ADCY10: variants seen among roughly 807,000 people sequenced by gnomAD.
The protein encoded by ADCY10 is adenylate cyclase 10, also known as adenylate cyclase type 10.
In ADCY10, 156 loss-of-function variants were observed where a neutral mutation model predicts 183.3. The observed-to-expected ratio is 0.85, with a 90% CI of 0.75 to 0.97. The LOEUF (loss-of-function observed/expected upper bound fraction) is 0.97. ADCY10 is among the 50% of genes least tolerant of loss of function. The pLI, the probability that ADCY10 is intolerant of heterozygous loss-of-function variation, is 0.00. For missense variants in ADCY10, 1,745 were observed against 1,934.3 expected, an observed-to-expected ratio of 0.90 and a Z score of 1.84; for synonymous variants, 645 against 670.0, an observed-to-expected ratio of 0.96 and a Z score of 0.58.
At chr1:167,882,088 G>A (rs1225099165) in intron 9 of ADCY10, among the ~76,000 whole-genome samples, 1 of 152,182 alleles carries the variant, frequency 6.6e-6, no homozygotes, top group East Asian at 1.9e-4. Flanking sequence ...GTAATTAAGT[G>A]CTCTGCTTTT....
At chr1:167,889,916 C>T (rs923128625) in intron 8 of ADCY10, among the ~76,000 whole-genome samples, 9 of 152,080 alleles carry the variant, frequency 5.9e-5, no homozygotes, top group South Asian at 2.1e-4. Context: ...TTATTTGGGT[C>T]TTTTCTCTTC....
In ADCY10 at chr1:167,904,715, A is replaced by T. The variant is rs1433882490; in HGVS notation, c.148+278T>A. The T allele has an allele frequency of 8.2e-6, 5 of 608,330 alleles. No individual in the cohort carries two copies. In the African/African-American group the frequency reaches 9.3e-5, roughly 11 times the overall value. The allele number at this position is 608,330 out of a possible 1,614,324, so 37.7% of individuals were successfully genotyped here. ...TGTATGGGGCTTGGGGCTGGAGAGG[A>T]TGAGTCAGTGAAGTTGGGGCAGAGA... On this transcript the variant is annotated intron_variant, in intron 2 of 32. Coordinates refer to ENST00000367851, the MANE Select transcript of ADCY10 (RefSeq NM_018417.6).
chr1:167,911,181 A>C (rs1057367099), intron 1 of ADCY10, among the ~76,000 whole-genome samples: 1 of 152,238 alleles, frequency 6.6e-6, no homozygotes, highest in African/African-American at 2.4e-5. Context: ...GGAAGTGTTG[A>C]ATAGCTATCT....
At chr1:167,855,234 C>T (rs1031175144) in intron 17 of ADCY10, among the ~76,000 whole-genome samples, 1 of 152,148 alleles carries the variant, frequency 6.6e-6, no homozygotes, top group African/African-American at 2.4e-5. Flanking sequence ...GCAGAAGAAT[C>T]GCTTGAACCC....
At chr1:167,849,219 C>A (rs1665291458) in intron 18 of ADCY10, among the ~76,000 whole-genome samples, 1 of 152,150 alleles carries the variant, frequency 6.6e-6, no homozygotes, top group African/African-American at 2.4e-5. Context: ...CACTCAGTTA[C>A]AAACACATTC....
intron 21 of ADCY10, among the ~76,000 whole-genome samples, chr1:167,844,699 A>G (rs1158786978): frequency 1.7e-4 from 26 of 152,224 alleles, no homozygotes; most frequent in Admixed American, 1.7e-3. Flanking sequence ...CATGAAATGG[A>G]GAACGAATGA....
intron 26 of ADCY10, 44 bp downstream of exon 26, chr1:167,829,223 A>C: frequency 6.2e-7 from 1 of 1,611,526 alleles, no homozygotes; most frequent in Non-Finnish European, 8.5e-7. Context: ...TTCTTCCCAA[A>C]TGAAATTCAG....
intron 6 of ADCY10, among the ~76,000 whole-genome samples, chr1:167,897,145 G>T (rs2102384910): frequency 6.6e-6 from 1 of 151,524 alleles, no homozygotes; most frequent in South Asian, 2.1e-4. Flanking sequence ...ACTGAGGATG[G>T]CACGATCTCA....
At position 167,905,001 on chromosome 1, in the gene ADCY10, TC is replaced by T. The variant is rs768209431; in HGVS notation, c.139del (p.Asp47IlefsTer8). ...ATCCCTTTTGCACTTGCCTGAAATA[TC>T]AACAAACATCAGGACTCCGTCAAAA... is the stretch of plus-strand genomic sequence containing the variant. Reference protein sequence around the residue: ...DYFDGVLMFVDISGFTAMTEK... With the variant: ...DYFDGVLMFVXISGFTAMTEK... On this transcript the variant is annotated frameshift_variant, in exon 2 of 33. Transcript: ENST00000367851. LOFTEE classifies it high-confidence loss of function. 7 of 1,614,172 alleles carry T rather than the reference TC, an allele frequency of 4.3e-6. No homozygotes were observed. Among genetic ancestry groups the T allele is most frequent in the Non-Finnish European group, 5.9e-6 (7 of 1,180,026 alleles).
At chr1:167,827,641 C>T (rs1663406270) in intron 26 of ADCY10, among the ~76,000 whole-genome samples, 1 of 151,860 alleles carries the variant, frequency 6.6e-6, no homozygotes, top group African/African-American at 2.4e-5. Context: ...CCTAGGGATC[C>T]GTGGCACCTT....
rs375598401 is a variant in ADCY10 at position 167,871,622 on chromosome 1, T to C, written c.1463-1212A>G. On this transcript the variant is annotated intron_variant, in intron 13 of 32. Coordinates refer to ENST00000367851, the MANE Select transcript of ADCY10 (RefSeq NM_018417.6). ...AACTATTCCTTCTGTGCTGGGCAGATGAATGTGGAGGCCCATTTTGTTATT... is the reference window on the plus strand; with the variant it reads ...AACTATTCCTTCTGTGCTGGGCAGACGAATGTGGAGGCCCATTTTGTTATT... Among the ~76,000 whole-genome samples the C allele has an allele frequency of 1.9e-4, 29 of 152,352 alleles. No individual in the cohort carries two copies. The South Asian group carries it at 5.8e-3, about 30-fold the overall frequency.
intron 7 of ADCY10, 25 bp downstream of exon 7, chr1:167,896,570 G>T (rs552768226): frequency 1.3e-6 from 2 of 1,562,094 alleles, no homozygotes; most frequent in Non-Finnish European, 1.8e-6. Context: ...AGAGGCAAAG[G>T]CATTTTTCCA....
intron 1 of ADCY10, among the ~76,000 whole-genome samples, chr1:167,913,219 A>G (rs374362232): frequency 1.3e-5 from 2 of 152,332 alleles, no homozygotes; most frequent in East Asian, 1.9e-4. Context: ...GGCCCGAAAG[A>G]TAAACCAAGA....
In ADCY10 at chr1:167,817,936, A is replaced by T. The variant is rs1013435643; in HGVS notation, c.4482+136T>A. ...ATGGGCAATTTATATTTTCTTTCTTACTTTGGGGAAGTGCCTTCAAAAACT... is the reference window on the plus strand; with the variant it reads ...ATGGGCAATTTATATTTTCTTTCTTTCTTTGGGGAAGTGCCTTCAAAAACT... On this transcript the variant is annotated intron_variant, in intron 31 of 32. Coordinates refer to ENST00000367851, the MANE Select transcript of ADCY10 (RefSeq NM_018417.6). The T allele has an allele frequency of 8.4e-5, 72 of 854,820 alleles. No homozygotes were observed. In the Middle Eastern group the frequency reaches 1.7e-3, roughly 20 times the overall value. 53.0% of individuals were successfully genotyped at this position (854,820 alleles called of 1,614,324 possible). A position where few individuals can be genotyped will look rare whatever the true frequency, so the allele number is the denominator to read the frequency against.
chr1:167,861,668 C>T (rs1186904906), intron 14 of ADCY10, among the ~76,000 whole-genome samples: 1 of 152,196 alleles, frequency 6.6e-6, no homozygotes. Context: ...ACCCTTTCTT[C>T]TCTGAACTTC....
intron 7 of ADCY10, among the ~76,000 whole-genome samples, chr1:167,896,081 G>C (rs1668953032): frequency 6.6e-6 from 1 of 152,178 alleles, no homozygotes; most frequent in South Asian, 2.1e-4. Flanking sequence ...GCAAATTAAT[G>C]GTCCTTGGTG....
chr1:167,885,962 C>T (rs955269898), intron 8 of ADCY10, among the ~76,000 whole-genome samples: 3 of 151,966 alleles, frequency 2.0e-5, no homozygotes, highest in Admixed American at 1.3e-4. Context: ...AGATTTTTTT[C>T]TATAGAGCTG....
At chr1:167,809,940 A>T in intron 32 of ADCY10, 101 bp from the exon 33 acceptor site, 2 of 1,232,396 alleles carry the variant, frequency 1.6e-6, no homozygotes, top group Non-Finnish European at 2.4e-6. Context: ...TTTGGTAAAA[A>T]CCATGTGAAC....
chr1:167,819,902 A>T, intron 30 of ADCY10: 6 of 949,348 alleles, frequency 6.3e-6, no homozygotes, highest in Non-Finnish European at 1.0e-5. Flanking sequence ...GCCAAATCGG[A>T]TCAACAGTAG....
Sources: allele counts gnomAD v4.1 joint callset (sites outside exome capture counted in the v4.1 genomes callset), GRCh38; gene constraint gnomAD v4.1.1; transcripts MANE v1.5; gene names NCBI Gene and HGNC (gene_info 2026-07-23, HGNC 2026-07-21).